AKAP13: variants seen among roughly 807,000 people sequenced by gnomAD.
AKAP13 encodes the protein A-kinase anchoring protein 13, also known as A-kinase anchor protein 13.
Under a neutral mutation model 264.5 loss-of-function variants are expected in AKAP13, and 80 were observed. That is an observed-to-expected ratio of 0.30 (90% CI 0.25 to 0.36). The LOEUF (loss-of-function observed/expected upper bound fraction) is 0.36, where lower values mean the gene tolerates loss of function less well. AKAP13 is among the 10% of genes least tolerant of loss of function. The probability of loss-of-function intolerance (pLI) is 1.00; values close to 1 mark genes in which losing one functional copy is unlikely to be tolerated. For synonymous variants in AKAP13, 1,380 were observed against 1,250.2 expected, an observed-to-expected ratio of 1.10 and a Z score of -2.19; for missense variants, 3,712 against 3,435.2, an observed-to-expected ratio of 1.08 and a Z score of -2.01.
At chr15:85,534,037 C>A in intron 4 of AKAP13, 157 bp downstream of exon 4, 1 of 719,982 alleles carries the variant, frequency 1.4e-6, no homozygotes, top group Non-Finnish European at 2.2e-6. Flanking sequence ...AATGGCATCT[C>A]TTCTAGGTTC....
At position 85,639,448 on chromosome 15, in the gene AKAP13, A is replaced by G. The variant is rs758088659; in HGVS notation, c.4236A>G (p.Pro1412=). The change falls in exon 9 of 37, where the codon CCA becomes CCG. Residue 1412 remains proline, a splice_region_variant and synonymous_variant. Transcript: ENST00000394518. ...CTCTTCTGGCTTCCAAGCAGAGCCCAGGTAAGCTGAGATTATCCATTCATT... is the reference window on the plus strand; with the variant it reads ...CTCTTCTGGCTTCCAAGCAGAGCCCGGGTAAGCTGAGATTATCCATTCATT... ...AASLLASKQS[P]ECENFLDVGL... 5.0e-6 allele frequency: 8 copies of G among 1,610,018 alleles called. No homozygotes were observed. In the South Asian group the frequency reaches 7.7e-5, roughly 15 times the overall value.
intron 4 of AKAP13, among the ~76,000 whole-genome samples, chr15:85,539,708 A>G (rs1272074192): frequency 6.6e-6 from 1 of 152,214 alleles, no homozygotes; most frequent in Non-Finnish European, 1.5e-5. Context: ...ATATAAGTAA[A>G]TAGAAAGCAG....
intron 6 of AKAP13, 39 bp downstream of exon 6, chr15:85,575,368 G>T (rs748718501): frequency 6.4e-7 from 1 of 1,569,934 alleles, no homozygotes; most frequent in Non-Finnish European, 8.8e-7. Context: ...ATATGCATGT[G>T]TATGTGTGTG....
intron 1 of AKAP13, among the ~76,000 whole-genome samples, chr15:85,451,816 T>A (rs1047325475): frequency 7.9e-5 from 12 of 152,226 alleles, no homozygotes; most frequent in Admixed American, 6.5e-5. Context: ...TTAATTTTCA[T>A]CTTGGAAAAT....
At chr15:85,671,685 A>G (rs1567186434) in intron 14 of AKAP13, among the ~76,000 whole-genome samples, 2 of 150,194 alleles carry the variant, frequency 1.3e-5, no homozygotes, top group South Asian at 2.1e-4. Context: ...TTTGGCTTGT[A>G]TAGAATGGAA....
chr15:85,582,404 T>C (rs1719845347), intron 7 of AKAP13, among the ~76,000 whole-genome samples: 1 of 152,326 alleles, frequency 6.6e-6, no homozygotes, highest in East Asian at 1.9e-4. Flanking sequence ...AGATCACAGG[T>C]ACTCTAAAGT....
Position 85,583,213 on chromosome 15 carries a change from T to A in AKAP13, c.4039+1106T>A, listed in dbSNP as rs1376129170. The A allele has an allele frequency of 6.1e-6, 6 of 977,336 alleles. No homozygotes were observed. The East Asian group carries it at 4.6e-4, about 74-fold the overall frequency. The allele number at this position is 977,336 out of a possible 1,614,324, so 60.5% of individuals were successfully genotyped here. On this transcript the variant is annotated intron_variant, in intron 7 of 36. Transcript: ENST00000394518. ...TTATTGTTTATTTTTGCTGTTCTTTTCAATTTTTGAAAATCCCTTTACACA... is the reference window on the plus strand; with the variant it reads ...TTATTGTTTATTTTTGCTGTTCTTTACAATTTTTGAAAATCCCTTTACACA...
intron 1 of AKAP13, among the ~76,000 whole-genome samples, chr15:85,429,455 G>T (rs1596139629): frequency 1.3e-5 from 2 of 152,294 alleles, no homozygotes; most frequent in East Asian, 3.9e-4. Flanking sequence ...CTAATTTTCT[G>T]TATTAGTTGA....
chr15:85,454,929 A>G (rs1416199446), intron 1 of AKAP13, among the ~76,000 whole-genome samples: 2 of 152,304 alleles, frequency 1.3e-5, no homozygotes, highest in Admixed American at 6.5e-5. Context: ...TTACTGACAG[A>G]TTTTTAGGCA....
At position 85,722,107 on chromosome 15, in the gene AKAP13, C is replaced by A; in HGVS notation, c.6369C>A (p.Ala2123=). The A allele has an allele frequency of 1.2e-6, 2 of 1,614,000 alleles. No individual in the cohort carries two copies. Among genetic ancestry groups the A allele is most frequent in the Non-Finnish European group, 1.7e-6 (2 of 1,179,932 alleles). ...ATGCCAAGGATAAGCGTTTTCAAGC[C>A]TTTGTAAAGGTATTGATAAGAAACA... The part of the protein sequence containing the change: ...DLYAKDKRFQ[A]FVKKKMSSSV... Residue 2123 remains alanine (A), a synonymous_variant, in exon 24 of 37, where the codon GCC becomes GCA. Coordinates refer to ENST00000394518, the MANE Select transcript of AKAP13 (RefSeq NM_007200.5).
intron 3 of AKAP13, 41 bp from the exon 4 acceptor site, chr15:85,533,543 G>C (rs750700641): frequency 6.5e-7 from 1 of 1,536,672 alleles, no homozygotes; most frequent in Admixed American, 2.0e-5. Context: ...TCAGCAGTGA[G>C]GCTCTAATAC....
intron 8 of AKAP13, among the ~76,000 whole-genome samples, chr15:85,600,611 G>T (rs2080018760): frequency 6.6e-6 from 1 of 152,214 alleles, no homozygotes; most frequent in Middle Eastern, 3.4e-3. Context: ...GTTCCTTTAG[G>T]AAATTCTTTT....
intron 2 of AKAP13, among the ~76,000 whole-genome samples, chr15:85,501,329 T>C (rs1444117756): frequency 1.3e-5 from 2 of 152,250 alleles, no homozygotes; most frequent in Non-Finnish European, 2.9e-5. Context: ...TGCCACCATA[T>C]ACTCGTGATT....
At chr15:85,610,839 C>T (rs1293603922) in intron 8 of AKAP13, among the ~76,000 whole-genome samples, 1 of 152,100 alleles carries the variant, frequency 6.6e-6, no homozygotes, top group East Asian at 1.9e-4. Context: ...ATTAGCCGGG[C>T]GTGGTGGCAG....
intron 1 of AKAP13, among the ~76,000 whole-genome samples, chr15:85,412,674 C>T (rs2072034243): frequency 6.6e-6 from 1 of 152,102 alleles, no homozygotes. Context: ...AAGGAGGGAG[C>T]TCAGGCAACC....
chr15:85,403,273 A>G (rs1340923281), intron 1 of AKAP13, among the ~76,000 whole-genome samples: 2 of 152,224 alleles, frequency 1.3e-5, no homozygotes, highest in Non-Finnish European at 2.9e-5. Flanking sequence ...TTGTTTTATG[A>G]TCAGTGTGGT....
At chr15:85,599,482 G>A (rs1490850472) in intron 8 of AKAP13, among the ~76,000 whole-genome samples, 1 of 152,150 alleles carries the variant, frequency 6.6e-6, no homozygotes, top group Non-Finnish European at 1.5e-5. Flanking sequence ...GAATTCAGGT[G>A]ATTGACATTT....
intron 1 of AKAP13, among the ~76,000 whole-genome samples, chr15:85,410,183 TTATTAG>T (rs200645640): frequency 0.013 from 2,010 of 151,552 alleles, 106 homozygotes; most frequent in African/African-American, 0.047. Context: ...TCAGGTGTGG[TTATTAG>T]AATAAGCATC....
At chr15:85,738,951 T>C (rs2088758663) in intron 33 of AKAP13, among the ~76,000 whole-genome samples, 1 of 152,156 alleles carries the variant, frequency 6.6e-6, no homozygotes, top group Non-Finnish European at 1.5e-5. Context: ...TTTTACATAA[T>C]TCATAGCAAT....
Sources: gnomAD v4.1 joint callset for allele counts (sites outside exome capture counted in the v4.1 genomes callset) on GRCh38, gnomAD v4.1.1 for gene constraint, MANE v1.5 for transcripts, NCBI Gene and HGNC (gene_info 2026-07-23, HGNC 2026-07-21) for gene names.